The following TASP1 variants were observed in gnomAD, a reference collection of about 807,000 sequenced individuals.
The protein encoded by TASP1 is threonine aspartase 1.
In TASP1, 16 loss-of-function variants were observed where a neutral mutation model predicts 56.6. The observed-to-expected ratio is 0.28, with a 90% CI of 0.19 to 0.43. The LOEUF (loss-of-function observed/expected upper bound fraction) is 0.43, where lower values mean the gene tolerates loss of function less well. Among genes scored for constraint, TASP1 ranks in the 20% least tolerant of loss-of-function variants. The probability of loss-of-function intolerance (pLI) is 1.00; values close to 1 mark genes in which losing one functional copy is unlikely to be tolerated. For synonymous variants in TASP1, 179 were observed against 184.2 expected, an observed-to-expected ratio of 0.97 and a Z score of 0.23; for missense variants, 393 against 511.6, an observed-to-expected ratio of 0.77 and a Z score of 2.24.
chr20:13,141,200 C>G, the TASP1 span, among the ~76,000 whole-genome samples: 16 of 152,210 alleles, frequency 1.1e-4, no homozygotes, highest in Non-Finnish European at 2.1e-4. Context: ...TCACAAACTT[C>G]TCTCATAAGA....
At chr20:13,316,047 G>A in the TASP1 span, among the ~76,000 whole-genome samples, 22 of 152,022 alleles carry the variant, frequency 1.4e-4, no homozygotes, top group African/African-American at 3.4e-4. Context: ...AAGCTTCTGC[G>A]CTGGCCAACT....
intron 8 of TASP1, among the ~76,000 whole-genome samples, chr20:13,557,716 G>C (rs78321073): frequency 2.0e-5 from 3 of 151,132 alleles, no homozygotes; most frequent in Non-Finnish European, 4.4e-5. Flanking sequence ...GAGTAGCTGA[G>C]AGTACAGGTA....
At chr20:13,532,526 T>C (rs1458964701) in intron 9 of TASP1, among the ~76,000 whole-genome samples, 1 of 152,192 alleles carries the variant, frequency 6.6e-6, no homozygotes, top group African/African-American at 2.4e-5. Context: ...CCACACTCTT[T>C]CCTGATTTTC....
At chr20:13,189,514 A>C in the TASP1 span, among the ~76,000 whole-genome samples, 1 of 152,206 alleles carries the variant, frequency 6.6e-6, no homozygotes. Flanking sequence ...CACTTCTCAA[A>C]AGAAGACATC....
At chr20:13,381,045 T>C in the TASP1 span, among the ~76,000 whole-genome samples, 475 of 152,282 alleles carry the variant, frequency 3.1e-3, 3 homozygotes, top group African/African-American at 0.011. Flanking sequence ...GCTAGACCAC[T>C]TGGCTCCCTG....
At chr20:13,472,226 A>T (rs575548357) in intron 11 of TASP1, among the ~76,000 whole-genome samples, 2 of 151,062 alleles carry the variant, frequency 1.3e-5, no homozygotes, top group African/African-American at 4.9e-5. Context: ...AAAAACAAGA[A>T]ATGGGGAAAG....
chr20:13,156,927 C>T, the TASP1 span, among the ~76,000 whole-genome samples: 1 of 152,134 alleles, frequency 6.6e-6, no homozygotes, highest in Non-Finnish European at 1.5e-5. Flanking sequence ...GGTAAAGATC[C>T]TGCTACACTC....
At chr20:13,265,750 C>A in the TASP1 span, among the ~76,000 whole-genome samples, 1 of 152,044 alleles carries the variant, frequency 6.6e-6, no homozygotes, top group Non-Finnish European at 1.5e-5. Context: ...TTTTCTGGGT[C>A]ATCACAACTC....
the TASP1 span, chr20:13,279,555 C>G: frequency 7.1e-7 from 1 of 1,416,672 alleles, no homozygotes; most frequent in Non-Finnish European, 9.6e-7. Flanking sequence ...CCTCTGCCCT[C>G]TCAGACTTTC....
chr20:13,465,574 GA>G (rs1225242140), intron 11 of TASP1, among the ~76,000 whole-genome samples: 2 of 151,832 alleles, frequency 1.3e-5, no homozygotes, highest in Non-Finnish European at 2.9e-5. Context: ...TAAAAAAATA[GA>G]AACAACCCAG....
chr20:13,367,897 G>A, the TASP1 span, among the ~76,000 whole-genome samples: 3 of 152,174 alleles, frequency 2.0e-5, no homozygotes, highest in Non-Finnish European at 4.4e-5. Flanking sequence ...GCCAGGATAT[G>A]TTCCAGCTAC....
chr20:13,259,681 G>A, the TASP1 span, among the ~76,000 whole-genome samples: 3 of 152,170 alleles, frequency 2.0e-5, no homozygotes, highest in African/African-American at 7.2e-5. Context: ...CTGAGTTATT[G>A]TTTCTACTAG....
At chr20:13,378,645 C>A in the TASP1 span, among the ~76,000 whole-genome samples, 1 of 152,050 alleles carries the variant, frequency 6.6e-6, no homozygotes, top group African/African-American at 2.4e-5. Flanking sequence ...TTTTCTGTCT[C>A]GTTGATCTGT....
the TASP1 span, among the ~76,000 whole-genome samples, chr20:13,290,266 G>A: frequency 6.6e-6 from 1 of 152,052 alleles, no homozygotes; most frequent in African/African-American, 2.4e-5. Flanking sequence ...ACAATATGAG[G>A]AGGAGGAAGA....
the TASP1 span, among the ~76,000 whole-genome samples, chr20:13,365,145 C>T: frequency 6.6e-6 from 1 of 152,220 alleles, no homozygotes. Flanking sequence ...ATCTGGCCAA[C>T]AACCTACACG....
intron 6 of TASP1, 76 bp from the exon 7 acceptor site, chr20:13,569,662 G>T: frequency 7.8e-7 from 1 of 1,284,020 alleles, no homozygotes; most frequent in Non-Finnish European, 1.1e-6. Context: ...AGGTAATATG[G>T]TAAGGCAGTT....
the TASP1 span, among the ~76,000 whole-genome samples, chr20:13,350,686 T>TTA: frequency 1.4e-3 from 210 of 151,744 alleles, 1 homozygote; most frequent in African/African-American, 4.3e-3. Context: ...ATTTTTATTT[T>TTA]TATATATATA....
At chr20:13,619,430 A>C (rs2048634807) in intron 4 of TASP1, among the ~76,000 whole-genome samples, 1 of 152,216 alleles carries the variant, frequency 6.6e-6, no homozygotes, top group Non-Finnish European at 1.5e-5. Flanking sequence ...TAAGAAAAAC[A>C]CCAATGTGCA....
chr20:13,614,964 T>C (rs968994031), intron 4 of TASP1: 12 of 365,966 alleles, frequency 3.3e-5, no homozygotes, highest in African/African-American at 2.6e-4. Flanking sequence ...TAAATAATTA[T>C]ACCTTTTAAC....
Sources: gnomAD v4.1 joint callset for allele counts (sites outside exome capture counted in the v4.1 genomes callset) on GRCh38, gnomAD v4.1.1 for gene constraint, MANE v1.5 for transcripts, NCBI Gene and HGNC (gene_info 2026-07-23, HGNC 2026-07-21) for gene names.